DTNB: variants seen among roughly 807,000 people sequenced by gnomAD.
DTNB encodes DTN-B.
A neutral mutation model predicts 90.7 loss-of-function variants in DTNB; 63 were observed. The ratio of observed to expected loss-of-function variants is 0.69; its 90% CI spans 0.57 to 0.86. The LOEUF (loss-of-function observed/expected upper bound fraction) is 0.86, where lower values mean the gene tolerates loss of function less well. Ranked by LOEUF, DTNB falls within the 40% of genes least tolerant of loss-of-function variation. The probability of loss-of-function intolerance (pLI) is 0.00; values close to 1 mark genes in which losing one functional copy is unlikely to be tolerated. For synonymous variants in DTNB, 277 were observed against 286.7 expected (o/e 0.97, Z 0.34); for missense variants, 744 against 807.1 (o/e 0.92, Z 0.95).
rs535084559 is a variant in DTNB, at chr2:25,424,425, A to G, written c.1554+3110T>C. 1.1e-4 allele frequency among the ~76,000 whole-genome samples: 16 copies of G among 152,164 alleles called. No homozygotes were observed. Among genetic ancestry groups the G allele is most frequent in the East Asian group, 3.8e-4 (2 of 5,202 alleles). Reference sequence around the variant, plus strand: ...CATCAGCGGTACACTAGAAGGCCACAGTGGCATGCATGGGGCTTGGGGTCA... The same window carrying G: ...CATCAGCGGTACACTAGAAGGCCACGGTGGCATGCATGGGGCTTGGGGTCA... On this transcript the variant is annotated intron_variant, in intron 15 of 20. Coordinates refer to ENST00000406818, the MANE Select transcript of DTNB (RefSeq NM_021907.5). This position sits in a 1 kb window ranked among gnomAD's most constrained non-coding sequence, Gnocchi z 4.1.
intron 8 of DTNB, among the ~76,000 whole-genome samples, chr2:25,567,572 A>G (rs183777161): frequency 2.7e-3 from 411 of 152,338 alleles, no homozygotes; most frequent in African/African-American, 9.2e-3. Flanking sequence ...GAAGAACACA[A>G]TAAGTAACTT....
intron 4 of DTNB, among the ~76,000 whole-genome samples, chr2:25,618,930 A>G (rs897464381): frequency 2.0e-5 from 3 of 152,172 alleles, no homozygotes; most frequent in Non-Finnish European, 4.4e-5. Flanking sequence ...CAAGCTAAGC[A>G]GACAATGAGT....
intron 16 of DTNB, among the ~76,000 whole-genome samples, chr2:25,417,347 C>A (rs1035406994): frequency 6.6e-6 from 1 of 152,168 alleles, no homozygotes; most frequent in Admixed American, 6.5e-5. Context: ...GAAATGGACA[C>A]GTTATTTAAT....
rs573002531 is a variant in DTNB, at chr2:25,613,029, T to TA, written c.363-5709dup. 9.3e-4 allele frequency among the ~76,000 whole-genome samples: 141 copies of TA among 152,272 alleles called. 1 individual carries two copies. Among genetic ancestry groups the TA allele is most frequent in the South Asian group, 2.7e-3 (13 of 4,834 alleles). On this transcript the variant is annotated intron_variant, in intron 4 of 20. Transcript: ENST00000406818. ...CATTTCTACTCACTCTTCCAGGTAA[T>TA]AAAAAAAGGGAAGAAACACTTCCCA...
At chr2:25,572,224 T>C (rs1488042230) in intron 8 of DTNB, among the ~76,000 whole-genome samples, 1 of 152,120 alleles carries the variant, frequency 6.6e-6, no homozygotes, top group Non-Finnish European at 1.5e-5. Context: ...TCCCAGCACT[T>C]TGGGAGGCCG....
At chr2:25,377,701 C>T (rs1431493056) in intron 20 of DTNB, 148 bp from the exon 21 acceptor site, 5 of 152,390 alleles carry the variant, frequency 3.3e-5, no homozygotes, top group African/African-American at 7.2e-5. Flanking sequence ...AGGGTGGTAC[C>T]TAGGGTCCTC....
chr2:25,571,618 C>T (rs772862201), intron 8 of DTNB, among the ~76,000 whole-genome samples: 3 of 152,094 alleles, frequency 2.0e-5, no homozygotes, highest in Non-Finnish European at 2.9e-5. Context: ...TATGACTTCC[C>T]TATTCAACCT....
chr2:25,639,106 C>T lies in DTNB; in HGVS notation c.68-12G>A, dbSNP rs182000426. The T allele has an allele frequency of 7.2e-5, 113 of 1,562,108 alleles. No homozygotes were observed. The East Asian group carries it at 1.8e-3, about 24-fold the overall frequency. On this transcript the variant is annotated splice_polypyrimidine_tract_variant and intron_variant, in intron 2 of 20. Transcript: ENST00000406818. The stretch of plus-strand genomic sequence containing the variant: ...AAAATTCTGAGCACCTGAAAAAAGG[C>T]AAACAGAAATGCTCAACTAGATTTA...
chr2:25,412,562 C>T (rs1406761527), intron 16 of DTNB, among the ~76,000 whole-genome samples: 1 of 152,154 alleles, frequency 6.6e-6, no homozygotes, highest in Non-Finnish European at 1.5e-5. Context: ...GCCTGATGAT[C>T]ATTATATAAA....
chr2:25,458,679 C>T (rs1011052921), intron 10 of DTNB, among the ~76,000 whole-genome samples: 9 of 152,128 alleles, frequency 5.9e-5, no homozygotes, highest in African/African-American at 2.2e-4. Flanking sequence ...GAGTCTTGCT[C>T]TGTCGCCCAG....
In DTNB at chr2:25,451,409, T is replaced by C. The variant is rs1311367270; in HGVS notation, c.1257+139A>G. On this transcript the variant is annotated intron_variant, in intron 12 of 20. Transcript: ENST00000406818. ...TTATCAGGGTGAGGAAGTTTCCTTC[T>C]ACTCTTAGCATGTGGAAAAGTGGAA... 4.8e-6 allele frequency: 4 copies of C among 840,810 alleles called. No homozygotes were observed. The East Asian group carries it at 8.5e-5, about 18-fold the overall frequency. The allele number at this position is 840,810 out of a possible 1,614,324, so 52.1% of individuals were successfully genotyped here. A position where few individuals can be genotyped will look rare whatever the true frequency, so the allele number is the denominator to read the frequency against.
At chr2:25,631,554 C>T (rs1204115563) in intron 3 of DTNB, among the ~76,000 whole-genome samples, 9 of 143,202 alleles carry the variant, frequency 6.3e-5, no homozygotes, top group Non-Finnish European at 1.1e-4. Flanking sequence ...ACCTGAGTGA[C>T]GAAGTGAGAC....
intron 6 of DTNB, among the ~76,000 whole-genome samples, chr2:25,588,725 G>A (rs1373890745): frequency 1.3e-5 from 2 of 152,134 alleles, no homozygotes; most frequent in African/African-American, 4.8e-5. Context: ...CAGTTGAAGT[G>A]ACAACAAATG....
At chr2:25,656,082 C>T (rs1175437790) in intron 1 of DTNB, among the ~76,000 whole-genome samples, 1 of 152,164 alleles carries the variant, frequency 6.6e-6, no homozygotes, top group Non-Finnish European at 1.5e-5. Context: ...TCCCACTCCC[C>T]CACTGGCTTT....
At chr2:25,382,638 C>T (rs2038181274) in intron 19 of DTNB, among the ~76,000 whole-genome samples, 1 of 146,450 alleles carries the variant, frequency 6.8e-6, no homozygotes, top group South Asian at 2.2e-4. Flanking sequence ...AAGGGATTCT[C>T]CTGCTTCAGC....
intron 10 of DTNB, among the ~76,000 whole-genome samples, chr2:25,461,641 T>C (rs922814327): frequency 6.6e-6 from 1 of 152,156 alleles, no homozygotes; most frequent in African/African-American, 2.4e-5. Flanking sequence ...GCATTACTGA[T>C]GGAAATTGAG....
At chr2:25,471,816 T>C (rs1229122929) in intron 10 of DTNB, among the ~76,000 whole-genome samples, 2 of 134,844 alleles carry the variant, frequency 1.5e-5, no homozygotes, top group Non-Finnish European at 3.1e-5. Flanking sequence ...GTAAATAAGC[T>C]CAATGAGGTT....
chr2:25,394,043 T>C (rs1378065483), intron 16 of DTNB, among the ~76,000 whole-genome samples: 1 of 151,992 alleles, frequency 6.6e-6, no homozygotes, highest in Non-Finnish European at 1.5e-5. Flanking sequence ...GGTATAAAAA[T>C]AGGCACATAC....
At chr2:25,639,800 G>A (rs1197366260) in intron 2 of DTNB, among the ~76,000 whole-genome samples, 1 of 152,188 alleles carries the variant, frequency 6.6e-6, no homozygotes. Flanking sequence ...AGACGGCATA[G>A]CTTGCTCTGC....
Sources: gnomAD v4.1 joint callset for allele counts (sites outside exome capture counted in the v4.1 genomes callset) on GRCh38, gnomAD v4.1.1 for gene constraint, Gnocchi (gnomAD v3.1) non-coding constraint, MANE v1.5 for transcripts, NCBI Gene and HGNC (gene_info 2026-07-23, HGNC 2026-07-21) for gene names.